Variants in SKP1 observed in about 807,000 individuals in gnomAD.
SKP1 encodes the protein S-phase kinase associated protein 1, also known as S-phase kinase-associated protein 1.
A neutral mutation model predicts 21.5 loss-of-function variants in SKP1; 1 was observed. That is an observed-to-expected ratio of 0.05 (90% CI 0.02 to 0.22). The LOEUF is 0.22. Among genes scored for constraint, SKP1 ranks in the 10% least tolerant of loss-of-function variants. The pLI is 1.00. For missense variants in SKP1, 70 were observed against 192.0 expected, an observed-to-expected ratio of 0.36 and a Z score of 3.76; for synonymous variants, 59 against 59.3, an observed-to-expected ratio of 0.99 and a Z score of 0.03.
intron 3 of SKP1, among the ~76,000 whole-genome samples, chr5:134,163,778 A>AG (rs1219832851): frequency 6.6e-6 from 1 of 152,128 alleles, no homozygotes; most frequent in East Asian, 1.9e-4. Flanking sequence ...CAACACAGTG[A>AG]GGCCCTATCT....
Position 134,173,953 on chromosome 5 carries a change from ATTGT to A in SKP1, c.66_69del (p.Lys22AsnfsTer3). On this transcript the variant is annotated frameshift_variant, in exon 2 of 6. Transcript: ENST00000353411. LOFTEE classifies it high-confidence loss of function. ...TCCAACATGGTCTTAATAGTCACAG[ATTGT>A]TTGGCAATTTCCACATCAACTTCAA... The A allele has an allele frequency of 6.2e-7, 1 of 1,608,494 alleles. No individual in the cohort carries two copies. The highest frequency in any genetic ancestry group is 8.5e-7 in the Non-Finnish European group (1 of 1,175,070).
chr5:134,176,059 G>C (rs1052783403), intron 1 of SKP1, among the ~76,000 whole-genome samples: 20 of 152,200 alleles, frequency 1.3e-4, no homozygotes, highest in African/African-American at 4.3e-4. Flanking sequence ...AAGGAAAAAT[G>C]CATGTCCCTA....
intron 1 of SKP1, chr5:134,174,446 CCA>C (rs1761501110): frequency 2.0e-6 from 2 of 983,998 alleles, no homozygotes; most frequent in African/African-American, 1.8e-5. Flanking sequence ...GAAATTTTCC[CCA>C]CAGTGAGTCC....
chr5:134,158,694 C>T, intron 4 of SKP1, 99 bp from the exon 5 acceptor site: 1 of 1,043,836 alleles, frequency 9.6e-7, no homozygotes, highest in Non-Finnish European at 1.5e-6. Flanking sequence ...GCTTAAAATG[C>T]TAATTTTAAG....
At chr5:134,159,170 T>TA (rs1383636502) in intron 4 of SKP1, among the ~76,000 whole-genome samples, 8 of 152,216 alleles carry the variant, frequency 5.3e-5, no homozygotes, top group Non-Finnish European at 1.0e-4. Flanking sequence ...AATTTCCCTC[T>TA]AAGTACTTCT....
chr5:134,158,287 C>T, intron 5 of SKP1, 168 bp downstream of exon 5: 1 of 1,503,704 alleles, frequency 6.7e-7, no homozygotes. Context: ...TCTAAGTGTT[C>T]AGATTCATAA....
chr5:134,167,392 A>G (rs887150838), intron 2 of SKP1, 149 bp from the exon 3 acceptor site: 28 of 600,806 alleles, frequency 4.7e-5, no homozygotes, highest in Middle Eastern at 2.7e-4. Flanking sequence ...ACATATTGGG[A>G]AAAAAAATGG....
chr5:134,159,798 T>C (rs1282341481), intron 4 of SKP1, among the ~76,000 whole-genome samples: 2 of 151,868 alleles, frequency 1.3e-5, no homozygotes, highest in Admixed American at 6.6e-5. Context: ...CCGCCCACCT[T>C]GGCCTCCCAA....
At position 134,148,968 on chromosome 5, in the gene SKP1, C is replaced by T. The variant is rs1337933318; in HGVS notation, c.*8765G>A. 1 of 152,180 alleles carries T rather than the reference C, an allele frequency of 6.6e-6. No individual in the cohort carries two copies. The highest frequency in any genetic ancestry group is 1.5e-5 in the Non-Finnish European group (1 of 68,044). 9.4% of individuals were successfully genotyped at this position (152,180 alleles called of 1,614,324 possible). ...TGGTGGACACGACAGCCACCATATC[C>T]ACTTTATTTTTAGATTATTTGTATA... On this transcript the variant is annotated 3_prime_UTR_variant, in exon 6 of 6. Coordinates refer to ENST00000353411, the MANE Select transcript of SKP1 (RefSeq NM_170679.3).
At position 134,149,629 on chromosome 5, in the gene SKP1, GAC is replaced by G. The variant is rs1420341369; in HGVS notation, c.*8102_*8103del. ...TTTTGCTTCTGAGAGAGTGCTAGAG[GAC>G]ACTAGCCATTCTCTGGACATCTGTC... On this transcript the variant is annotated 3_prime_UTR_variant, in exon 6 of 6. Coordinates refer to ENST00000353411, the MANE Select transcript of SKP1 (RefSeq NM_170679.3). 1 of 152,204 alleles carries G rather than the reference GAC, an allele frequency of 6.6e-6. No individual in the cohort carries two copies. The highest frequency in any genetic ancestry group is 2.4e-5 in the African/African-American group (1 of 41,444). 9.4% of individuals were successfully genotyped at this position (152,204 alleles called of 1,614,324 possible). A position where few individuals can be genotyped will look rare whatever the true frequency, so the allele number is the denominator to read the frequency against.
At chr5:134,166,606 A>AAAAAAG (rs1761337708) in intron 3 of SKP1, among the ~76,000 whole-genome samples, 2 of 149,252 alleles carry the variant, frequency 1.3e-5, no homozygotes, top group South Asian at 2.1e-4. Context: ...AAAAAAAAAA[A>AAAAAAG]GAATGTGGGA....
rs1761132995 is a variant in SKP1, at chr5:134,157,111, G to C, written c.*622C>G. ...TTTCTCCCAAAAAACCACAAACTGG[G>C]TAGTAACTGAGTCTCTAGGCAATAT... On this transcript the variant is annotated 3_prime_UTR_variant, in exon 6 of 6. Coordinates refer to ENST00000353411, the MANE Select transcript of SKP1 (RefSeq NM_170679.3). 1 of 152,576 alleles carries C rather than the reference G, an allele frequency of 6.6e-6. No individual in the cohort carries two copies. The allele number at this position is 152,576 out of a possible 1,614,324, so 9.5% of individuals were successfully genotyped here.
At chr5:134,158,695 T>A in intron 4 of SKP1, 100 bp from the exon 5 acceptor site, 1 of 1,020,472 alleles carries the variant, frequency 9.8e-7, no homozygotes, top group Non-Finnish European at 1.5e-6. Context: ...CTTAAAATGC[T>A]AATTTTAAGA....
In SKP1 at chr5:134,157,419, C is replaced by A. The variant is rs371704342; in HGVS notation, c.*314G>T. On this transcript the variant is annotated 3_prime_UTR_variant, in exon 6 of 6. Coordinates refer to ENST00000353411, the MANE Select transcript of SKP1 (RefSeq NM_170679.3). ...ACTTTTAAAAGGTCACTAAAGTTAA[C>A]TGGACAATAAACTAGGCAGACATTG... 60 of 230,340 alleles carry A rather than the reference C, an allele frequency of 2.6e-4. No homozygotes were observed. In the East Asian group the frequency reaches 3.7e-3, roughly 14 times the overall value. The allele number at this position is 230,340 out of a possible 1,614,324, so 14.3% of individuals were successfully genotyped here. A position where few individuals can be genotyped will look rare whatever the true frequency, so the allele number is the denominator to read the frequency against.
chr5:134,173,781 TGTA>T (rs1216383529), intron 2 of SKP1, 142 bp downstream of exon 2: 6 of 705,732 alleles, frequency 8.5e-6, no homozygotes, highest in African/African-American at 1.8e-5. Context: ...ATCAGAAAAA[TGTA>T]AGTTATAAAG....
chr5:134,172,199 T>G (rs1417764889), intron 2 of SKP1, among the ~76,000 whole-genome samples: 2 of 152,240 alleles, frequency 1.3e-5, no homozygotes, highest in Non-Finnish European at 2.9e-5. Flanking sequence ...AAGTTTGCCT[T>G]GTTTGTGTCT....
intron 1 of SKP1, among the ~76,000 whole-genome samples, chr5:134,175,974 C>A (rs534801366): frequency 2.6e-5 from 4 of 152,194 alleles, no homozygotes; most frequent in African/African-American, 9.6e-5. Flanking sequence ...GAAATTCTGA[C>A]ACTGCTTTTT....
intron 3 of SKP1, among the ~76,000 whole-genome samples, chr5:134,166,580 C>CAAA (rs36106913): frequency 0.03 from 1,582 of 52,448 alleles, 343 homozygotes; most frequent in Admixed American, 0.059. Context: ...ACTCTGGTCT[C>CAAA]AAAAAAAAAA....
rs1330816335 is a variant in SKP1, at chr5:134,154,701, T to C, written c.*3032A>G. ...TTACAGAGGAAACCGACAAACATCC[T>C]TCAATCACCCAAATCTGCCAAATAC... is the stretch of plus-strand genomic sequence containing the variant. On this transcript the variant is annotated 3_prime_UTR_variant, in exon 6 of 6. Transcript: ENST00000353411. 1 of 152,180 alleles carries C rather than the reference T, an allele frequency of 6.6e-6. No homozygotes were observed. Among genetic ancestry groups the C allele is most frequent in the East Asian group, 1.9e-4 (1 of 5,198 alleles). The allele number at this position is 152,180 out of a possible 1,614,324, so 9.4% of individuals were successfully genotyped here.
Sources: allele counts gnomAD v4.1 joint callset (sites outside exome capture counted in the v4.1 genomes callset), GRCh38; gene constraint gnomAD v4.1.1; transcripts MANE v1.5; gene names NCBI Gene and HGNC (gene_info 2026-07-23, HGNC 2026-07-21).